Variants in LARS2 observed in about 807,000 individuals in gnomAD.
LARS2 encodes leucine--tRNA ligase, mitochondrial.
Under a neutral mutation model 116.6 loss-of-function variants are expected in LARS2, and 81 were observed. That is an observed-to-expected ratio of 0.69 (90% CI 0.58 to 0.84). LARS2 has a LOEUF of 0.84. Among genes scored for constraint, LARS2 ranks in the 40% least tolerant of loss-of-function variants. The pLI is 0.00. For synonymous variants in LARS2, 396 were observed against 407.2 expected, an observed-to-expected ratio of 0.97 and a Z score of 0.33; for missense variants, 968 against 1,114.5, an observed-to-expected ratio of 0.87 and a Z score of 1.87.
At chr3:45,494,216 T>G (rs1454051289) in intron 13 of LARS2, among the ~76,000 whole-genome samples, 4 of 152,138 alleles carry the variant, frequency 2.6e-5, no homozygotes, top group African/African-American at 4.8e-5. Flanking sequence ...GCGCCCATGC[T>G]CTCTGCTCAG....
chr3:45,536,597 T>G (rs1700708603), intron 20 of LARS2, among the ~76,000 whole-genome samples: 1 of 152,252 alleles, frequency 6.6e-6, no homozygotes, highest in Admixed American at 6.5e-5. Context: ...AACTCACTTC[T>G]GTATGTGCCC....
chr3:45,436,211 G>C (rs915091255), intron 6 of LARS2, among the ~76,000 whole-genome samples: 1 of 152,102 alleles, frequency 6.6e-6, no homozygotes, highest in African/African-American at 2.4e-5. Flanking sequence ...ATCCATGCCT[G>C]TGTCTAACAA....
chr3:45,477,442 C>G (rs1025704155), intron 10 of LARS2, among the ~76,000 whole-genome samples: 2 of 152,204 alleles, frequency 1.3e-5, no homozygotes, highest in African/African-American at 2.4e-5. Flanking sequence ...TGGTTCAAGA[C>G]TCCTCTTGCA....
At position 45,400,326 on chromosome 3, in the gene LARS2, A is replaced by G; in HGVS notation, c.316A>G (p.Thr106Ala). 5 of 1,613,982 alleles carry G rather than the reference A, an allele frequency of 3.1e-6. No homozygotes were observed. The highest frequency in any genetic ancestry group is 4.2e-6 in the Non-Finnish European group (5 of 1,179,904). ...KLHMGHVRVYTISDTIARFQK... is the reference protein window; with the variant it reads ...KLHMGHVRVYAISDTIARFQK... ...GCACATGGGCCATGTGCGTGTCTACACCATCAGCGACACCATAGCACGGTT... is the reference window on the plus strand; with the variant it reads ...GCACATGGGCCATGTGCGTGTCTACGCCATCAGCGACACCATAGCACGGTT... Residue 106 changes from threonine (T) to alanine (A), a missense_variant, in exon 4 of 22, where the codon ACC (threonine) becomes GCC (alanine). Transcript: ENST00000645846.
intron 19 of LARS2, among the ~76,000 whole-genome samples, chr3:45,520,656 A>G (rs566059635): frequency 2.6e-5 from 4 of 152,112 alleles, no homozygotes; most frequent in Non-Finnish European, 5.9e-5. Context: ...ATGAATTGTG[A>G]TACCTCCTCG....
chr3:45,465,663 A>G (rs1264043183), intron 8 of LARS2, among the ~76,000 whole-genome samples: 2 of 152,222 alleles, frequency 1.3e-5, no homozygotes, highest in African/African-American at 4.8e-5. Flanking sequence ...AAGGTCCTCC[A>G]GGGGTTGGTA....
At chr3:45,482,746 C>T (rs572401058) in intron 10 of LARS2, among the ~76,000 whole-genome samples, 4 of 152,206 alleles carry the variant, frequency 2.6e-5, no homozygotes, top group Non-Finnish European at 5.9e-5. Context: ...GATACAAGTT[C>T]AGTGGCTATG....
chr3:45,527,893 A>G lies in LARS2; in HGVS notation c.2404+3785A>G, dbSNP rs1421485925. Among the ~76,000 whole-genome samples, 5 of 152,348 alleles carry G rather than the reference A, an allele frequency of 3.3e-5. No individual in the cohort carries two copies. In the South Asian group the frequency reaches 6.2e-4, roughly 19 times the overall value. On this transcript the variant is annotated intron_variant, in intron 20 of 21. Transcript: ENST00000645846. ...AACAGGAGAATAATATGGCCTAGCT[A>G]TGCACAACTGGTGAATTTCTTATAA...
intron 7 of LARS2, among the ~76,000 whole-genome samples, chr3:45,449,031 A>G (rs1396098664): frequency 6.6e-6 from 1 of 152,170 alleles, no homozygotes. Context: ...GAAGGCTGGG[A>G]AGTCCAATAT....
At chr3:45,442,104 C>T (rs1279126554) in intron 6 of LARS2, among the ~76,000 whole-genome samples, 1 of 152,150 alleles carries the variant, frequency 6.6e-6, no homozygotes, top group Non-Finnish European at 1.5e-5. Context: ...TTTGAATTGC[C>T]TGACTTTTGT....
chr3:45,484,491 T>G (rs1575283600), intron 10 of LARS2, among the ~76,000 whole-genome samples: 1 of 147,256 alleles, frequency 6.8e-6, no homozygotes, highest in Non-Finnish European at 1.5e-5. Flanking sequence ...GTTAGCTGGG[T>G]ACAGTGGCTC....
At chr3:45,389,660 GTCT>G (rs111324141) in intron 1 of LARS2, among the ~76,000 whole-genome samples, 29 of 152,358 alleles carry the variant, frequency 1.9e-4, no homozygotes, top group African/African-American at 5.8e-4. Flanking sequence ...GAAGAGAAGA[GTCT>G]TCTTATCTTA....
chr3:45,536,548 C>T (rs950432246), intron 20 of LARS2, among the ~76,000 whole-genome samples: 3 of 152,234 alleles, frequency 2.0e-5, no homozygotes, highest in African/African-American at 7.2e-5. Context: ...ACTCGGAGCC[C>T]TGGCTGGCCT....
rs184336723 is a variant in LARS2 at position 45,395,963 on chromosome 3, T to C, written c.234+1276T>C. ...CCTTGTGTCAACATCATCAGACTAA[T>C]GTAACTTAATAGATTTTGAAAACAA... On this transcript the variant is annotated intron_variant, in intron 3 of 21. Transcript: ENST00000645846. Among the ~76,000 whole-genome samples, 11 of 152,372 alleles carry C rather than the reference T, an allele frequency of 7.2e-5. No homozygotes were observed. In the East Asian group the frequency reaches 2.1e-3, roughly 29 times the overall value.
intron 17 of LARS2, among the ~76,000 whole-genome samples, chr3:45,517,672 G>A: frequency 6.6e-6 from 1 of 152,158 alleles, no homozygotes; most frequent in East Asian, 1.9e-4. Context: ...GAGTGGCCCT[G>A]CCATCCAGTG....
intron 10 of LARS2, among the ~76,000 whole-genome samples, chr3:45,477,223 T>A (rs2125720540): frequency 6.6e-6 from 1 of 152,336 alleles, no homozygotes; most frequent in Middle Eastern, 3.4e-3. Context: ...AAGCAACAGA[T>A]TCCATCTCTG....
At chr3:45,466,099 T>C (rs1209703850) in intron 8 of LARS2, among the ~76,000 whole-genome samples, 1 of 152,242 alleles carries the variant, frequency 6.6e-6, no homozygotes, top group African/African-American at 2.4e-5. Context: ...TTATGGTATA[T>C]GGACAATGAA....
intron 20 of LARS2, among the ~76,000 whole-genome samples, chr3:45,531,121 C>T (rs1700607692): frequency 1.3e-5 from 2 of 152,154 alleles, no homozygotes; most frequent in South Asian, 4.1e-4. Context: ...ACCACATTGA[C>T]ACCAACATTT....
At chr3:45,542,006 T>A in intron 21 of LARS2, 50 bp downstream of exon 21, 1 of 1,606,936 alleles carries the variant, frequency 6.2e-7, no homozygotes. Context: ...GCCCTGCTGG[T>A]GGCCCCTAAA....
Sources: allele counts gnomAD v4.1 joint callset (sites outside exome capture counted in the v4.1 genomes callset), GRCh38; gene constraint gnomAD v4.1.1; transcripts MANE v1.5; gene names NCBI Gene and HGNC (gene_info 2026-07-23, HGNC 2026-07-21).